The following MEGF10 variants were observed in gnomAD, a reference collection of about 807,000 sequenced individuals.
MEGF10 encodes multiple EGF like domains 10.
A neutral mutation model predicts 147.5 loss-of-function variants in MEGF10; 86 were observed. That is an observed-to-expected ratio of 0.58 (90% confidence interval 0.49 to 0.70). The LOEUF is 0.70. Ranked by LOEUF, MEGF10 falls within the 30% of genes least tolerant of loss-of-function variation. The pLI is 0.00. For synonymous variants in MEGF10, 478 were observed against 525.5 expected, an observed-to-expected ratio of 0.91 and a Z score of 1.24; for missense variants, 1,329 against 1,487.3, an observed-to-expected ratio of 0.89 and a Z score of 1.75.
chr5:127,367,467 G>A lies in MEGF10; in HGVS notation c.320-2443G>A, dbSNP rs747574643. Among the ~76,000 whole-genome samples, 35 of 152,158 alleles carry A rather than the reference G, an allele frequency of 2.3e-4. No homozygotes were observed. The South Asian group carries it at 4.2e-3, about 18-fold the overall frequency. Reference sequence around the variant, plus strand: ...CCAAGATATAAAAACAATTTAAGTAGTATTAATATAAATTTACCATATAAA... The same window carrying A: ...CCAAGATATAAAAACAATTTAAGTAATATTAATATAAATTTACCATATAAA... On this transcript the variant is annotated intron_variant, in intron 4 of 24. Transcript: ENST00000503335.
At chr5:127,236,989 G>A in the MEGF10 span, among the ~76,000 whole-genome samples, 2 of 152,230 alleles carry the variant, frequency 1.3e-5, no homozygotes, top group African/African-American at 4.8e-5. Context: ...AAGGAAATAA[G>A]AGAGAGTATG....
At chr5:127,305,137 T>G (rs961583592) in intron 1 of MEGF10, among the ~76,000 whole-genome samples, 9 of 152,200 alleles carry the variant, frequency 5.9e-5, no homozygotes, top group African/African-American at 1.9e-4. Flanking sequence ...CTATCATACA[T>G]TAGTGAGGCC....
chr5:127,448,165 A>G (rs1561653618), intron 21 of MEGF10, among the ~76,000 whole-genome samples: 1 of 152,206 alleles, frequency 6.6e-6, no homozygotes, highest in Non-Finnish European at 1.5e-5. Context: ...CAACAACAGT[A>G]ATAGGCACTG....
At chr5:127,379,116 C>A (rs1211542982) in intron 5 of MEGF10, among the ~76,000 whole-genome samples, 1 of 125,400 alleles carries the variant, frequency 8.0e-6, no homozygotes, top group Non-Finnish European at 1.7e-5. Flanking sequence ...TTCAGCAAAT[C>A]TTGTTGGTTC....
chr5:127,438,490 A>G lies in MEGF10; in HGVS notation c.2156A>G (p.His719Arg). The G allele has an allele frequency of 6.2e-7, 1 of 1,614,170 alleles. No homozygotes were observed. Among genetic ancestry groups the G allele is most frequent in the Non-Finnish European group, 8.5e-7 (1 of 1,180,006 alleles). ...GPNCIHTCNC[H>R]NGAFCSAYDG... Reference sequence around the variant, plus strand: ...AACTGCATCCACACGTGCAACTGCCATAATGGAGCTTTCTGCAGCGCCTAC... The same window carrying G: ...AACTGCATCCACACGTGCAACTGCCGTAATGGAGCTTTCTGCAGCGCCTAC... Residue 719 changes from histidine to arginine, a missense_variant, in exon 17 of 25, where the codon CAT becomes CGT. Coordinates refer to ENST00000503335, the MANE Select transcript of MEGF10 (RefSeq NM_001256545.2).
chr5:127,328,430 G>T (rs538701786), intron 1 of MEGF10, among the ~76,000 whole-genome samples: 14 of 152,088 alleles, frequency 9.2e-5, no homozygotes, highest in Non-Finnish European at 5.9e-5. Context: ...TGGTACCTGC[G>T]ACTTTTCAAT....
chr5:127,380,500 C>T (rs1049044042), intron 5 of MEGF10, among the ~76,000 whole-genome samples: 19 of 151,046 alleles, frequency 1.3e-4, no homozygotes, highest in African/African-American at 4.4e-4. Context: ...AGTGTAGACA[C>T]ATTCTTTTTT....
intron 21 of MEGF10, 131 bp downstream of exon 21, chr5:127,447,815 A>T (rs1766006956): frequency 8.5e-7 from 1 of 1,176,666 alleles, no homozygotes; most frequent in East Asian, 2.6e-5. Flanking sequence ...TTATTCCTCT[A>T]AACAGTCCTC....
the MEGF10 span, among the ~76,000 whole-genome samples, chr5:127,254,809 T>C: frequency 2.1e-5 from 3 of 144,888 alleles, no homozygotes; most frequent in Non-Finnish European, 4.5e-5. Flanking sequence ...AGACTCCATC[T>C]GAAAAAAAAA....
intron 1 of MEGF10, among the ~76,000 whole-genome samples, chr5:127,309,981 C>CTTTCTTTCTTTCTTTCTTTCTT (rs2126733534): frequency 1.4e-5 from 1 of 73,518 alleles, no homozygotes; most frequent in Admixed American, 1.3e-4. Flanking sequence ...TTCTTTCTTT[C>CTTTCTTTCTTTCTTTCTTTCTT]TTTCTTTCTT....
chr5:127,269,670 A>T, the MEGF10 span, among the ~76,000 whole-genome samples: 2 of 152,348 alleles, frequency 1.3e-5, no homozygotes, highest in African/African-American at 4.8e-5. Flanking sequence ...ACTCTTCAGG[A>T]TATTATCCAG....
intron 5 of MEGF10, among the ~76,000 whole-genome samples, chr5:127,373,601 G>T (rs1457288195): frequency 6.6e-6 from 1 of 152,074 alleles, no homozygotes; most frequent in Non-Finnish European, 1.5e-5. Flanking sequence ...ACCTTTTATT[G>T]TAGAGTGGTA....
At chr5:127,272,344 T>C in the MEGF10 span, among the ~76,000 whole-genome samples, 1 of 152,210 alleles carries the variant, frequency 6.6e-6, no homozygotes. Context: ...TGTAGCCTGG[T>C]AGTATAGTTA....
intron 4 of MEGF10, among the ~76,000 whole-genome samples, chr5:127,362,553 A>T (rs1030426749): frequency 2.6e-5 from 4 of 151,662 alleles, no homozygotes; most frequent in African/African-American, 7.3e-5. Context: ...TTTAGTAGAG[A>T]TGAGGTTTCA....
chr5:127,397,646 A>T (rs1763968204), intron 6 of MEGF10, among the ~76,000 whole-genome samples: 1 of 152,244 alleles, frequency 6.6e-6, no homozygotes, highest in Non-Finnish European at 1.5e-5. Context: ...AAAGAAAAAA[A>T]TTGCATTAGC....
intron 6 of MEGF10, among the ~76,000 whole-genome samples, chr5:127,397,305 C>G (rs971590629): frequency 3.9e-5 from 6 of 152,166 alleles, no homozygotes; most frequent in African/African-American, 1.4e-4. Flanking sequence ...CTCATGGATA[C>G]ATATTGCTTT....
chr5:127,456,975 T>C (rs1766382976), intron 24 of MEGF10, among the ~76,000 whole-genome samples, 153 bp from the exon 25 acceptor site: 1 of 152,230 alleles, frequency 6.6e-6, no homozygotes, highest in Non-Finnish European at 1.5e-5. Context: ...GCCACCTGTA[T>C]GTGATGATTT....
intron 14 of MEGF10, 34 bp downstream of exon 14, chr5:127,433,543 C>G: frequency 6.4e-7 from 1 of 1,563,670 alleles, no homozygotes; most frequent in Middle Eastern, 1.7e-4. Flanking sequence ...TTTCCACCTT[C>G]CCTTCCCTGG....
chr5:127,456,900 T>A (rs1286101944), intron 24 of MEGF10, among the ~76,000 whole-genome samples: 1 of 152,244 alleles, frequency 6.6e-6, no homozygotes, highest in Non-Finnish European at 1.5e-5. Flanking sequence ...TCATCCCGAT[T>A]ATGTGGTCCT....
Sources: allele counts gnomAD v4.1 joint callset (sites outside exome capture counted in the v4.1 genomes callset), GRCh38; gene constraint gnomAD v4.1.1; transcripts MANE v1.5; gene names NCBI Gene and HGNC (gene_info 2026-07-23, HGNC 2026-07-21).